Variants in SHROOM2 observed in about 807,000 individuals in gnomAD.
SHROOM2 encodes shroom family member 2, also known as protein Shroom2.
SHROOM2 carries 33 observed loss-of-function variants against 75.9 expected under a neutral mutation model. The ratio of observed to expected loss-of-function variants is 0.43; its 90% confidence interval spans 0.33 to 0.58. The LOEUF is 0.58. Among genes scored for constraint, SHROOM2 ranks in the 20% least tolerant of loss-of-function variants. The pLI is 0.04. For synonymous variants in SHROOM2, 655 were observed against 663.6 expected, an observed-to-expected ratio of 0.99 and a Z score of 0.20; for missense variants, 1,434 against 1,461.2, an observed-to-expected ratio of 0.98 and a Z score of 0.30.
chrX:9,903,494 T>C (rs1351932731), intron 5 of SHROOM2, among the ~76,000 whole-genome samples: 1 of 112,145 alleles, frequency 8.9e-6, no homozygotes, highest in Non-Finnish European at 1.9e-5. Flanking sequence ...AAACGGTAGC[T>C]GTAGGAGAGA....
At chrX:9,814,545 C>T (rs1009213893) in intron 1 of SHROOM2, among the ~76,000 whole-genome samples, 8 of 110,942 alleles carry the variant, frequency 7.2e-5, no homozygotes, top group African/African-American at 2.6e-4. Flanking sequence ...ACAGGGGTGT[C>T]GGGGGTGGCT....
rs1170055306 is a variant in SHROOM2 at position 9,917,529 on chromosome X, GTTGTTT to G, written c.2892-14643_2892-14638del. On this transcript the variant is annotated intron_variant, in intron 5 of 9. Transcript: ENST00000380913. ...TGTTGTTGTTGTTGTTGTTGTTGTT[GTTGTTT>G]TTTGAGATGGAGTCTCGCTCTGTCA... Among the ~76,000 whole-genome samples, 10 of 110,081 alleles carry G rather than the reference GTTGTTT, an allele frequency of 9.1e-5. No individual in the cohort carries two copies. The South Asian group carries it at 1.6e-3, about 17-fold the overall frequency.
intron 1 of SHROOM2, among the ~76,000 whole-genome samples, chrX:9,802,591 CA>C (rs890554254): frequency 2.7e-5 from 3 of 111,880 alleles, no homozygotes; most frequent in Admixed American, 9.5e-5. Context: ...GGTCTTGCAG[CA>C]TCCTCAAGCC....
intron 2 of SHROOM2, among the ~76,000 whole-genome samples, chrX:9,890,713 G>A (rs987762240): frequency 7.3e-5 from 8 of 110,129 alleles, no homozygotes; most frequent in Non-Finnish European, 1.5e-4. Flanking sequence ...GCACTGTTTG[G>A]CACGAGAGTG....
At position 9,838,057 on chromosome X, in the gene SHROOM2, G is replaced by GTT. The variant is rs573554791; in HGVS notation, c.166-35575_166-35574dup. On this transcript the variant is annotated intron_variant, in intron 1 of 9. Transcript: ENST00000380913. The stretch of plus-strand genomic sequence containing the variant: ...AGGAGTTTTTCTGTGTGTGTGTGTG[G>GTT]TTTTTTTTTTTTTTTTTTTTTGAGA... Among the ~76,000 whole-genome samples, 723 of 75,735 alleles carry GTT rather than the reference G, an allele frequency of 9.5e-3. 29 individuals are homozygous for GTT. The highest frequency in any genetic ancestry group is 0.036 in the African/African-American group (622 of 17,367). 65.8% of individuals were successfully genotyped at this position (75,735 alleles called of 115,157 possible).
chrX:9,817,012 C>A (rs1380359813), intron 1 of SHROOM2, among the ~76,000 whole-genome samples: 1 of 110,881 alleles, frequency 9.0e-6, no homozygotes, highest in East Asian at 2.8e-4. Context: ...TGCTCTGTTG[C>A]CCAAGCTGGA....
Position 9,873,579 on chromosome X carries a change from C to T in SHROOM2, c.166-73C>T, listed in dbSNP as rs999457116. On this transcript the variant is annotated intron_variant, in intron 1 of 9. Transcript: ENST00000380913. ...CGCCAAGTGTGAGGTATGTCTGCTG[C>T]GTTCCGAGGACCTGCTCTGCCTCAG... 39 of 1,128,666 alleles carry T rather than the reference C, an allele frequency of 3.5e-5. No homozygotes were observed. The African/African-American group carries it at 6.3e-4, about 18-fold the overall frequency. The allele number at this position is 1,128,666 out of a possible 1,213,427, so 93.0% of individuals were successfully genotyped here.
At chrX:9,786,732 G>A in intron 1 of SHROOM2, 22 bp downstream of exon 1, 2 of 875,417 alleles carry the variant, frequency 2.3e-6, no homozygotes, top group South Asian at 1.2e-4. Context: ...GCGGGGCGCG[G>A]GCGCTGACAG....
At chrX:9,820,643 G>T (rs949072063) in intron 1 of SHROOM2, among the ~76,000 whole-genome samples, 1 of 112,327 alleles carries the variant, frequency 8.9e-6, no homozygotes, top group Non-Finnish European at 1.9e-5. Context: ...AGGATTACTG[G>T]TGTGTGCCAC....
intron 1 of SHROOM2, among the ~76,000 whole-genome samples, chrX:9,812,817 G>A (rs1305117832): frequency 1.8e-5 from 2 of 112,369 alleles, no homozygotes; most frequent in Admixed American, 1.9e-4. Context: ...AAGACAAATT[G>A]CTTCTGGTGG....
chrX:9,878,006 T>C (rs1473413369), intron 2 of SHROOM2, among the ~76,000 whole-genome samples: 1 of 112,054 alleles, frequency 8.9e-6, no homozygotes, highest in African/African-American at 3.2e-5. Flanking sequence ...GTCATCCATT[T>C]TTCTCCCTTC....
At chrX:9,891,871 G>A (rs2084295151) in intron 3 of SHROOM2, among the ~76,000 whole-genome samples, 1 of 64,526 alleles carries the variant, frequency 1.5e-5, no homozygotes, top group Admixed American at 1.7e-4. Flanking sequence ...CATGTTTGGT[G>A]TGTGTGTGTG....
chrX:9,943,854 T>A (rs2084793184), intron 8 of SHROOM2, among the ~76,000 whole-genome samples: 1 of 111,769 alleles, frequency 8.9e-6, no homozygotes, highest in South Asian at 3.8e-4. Context: ...CAATTAAAAT[T>A]TTTTTTCTTT....
chrX:9,891,119 A>G lies in SHROOM2; in HGVS notation c.449+11A>G, dbSNP rs1173190063. ...CCGACACCACGCGAGGTAGGCACCC[A>G]TTCCCGTCCAGGATGCCAGGTTTGT... On this transcript the variant is annotated intron_variant, in intron 3 of 9. Transcript: ENST00000380913. 8.3e-7 allele frequency: 1 copy of G among 1,199,605 alleles called. No individual in the cohort carries two copies. Among genetic ancestry groups the G allele is most frequent in the East Asian group, 3.0e-5 (1 of 33,467 alleles).
At chrX:9,788,590 T>C (rs2081970111) in intron 1 of SHROOM2, among the ~76,000 whole-genome samples, 1 of 111,515 alleles carries the variant, frequency 9.0e-6, no homozygotes, top group African/African-American at 3.3e-5. Flanking sequence ...TCACAAACTG[T>C]TGAGTCCTGG....
chrX:9,811,822 C>G (rs1304210350), intron 1 of SHROOM2, among the ~76,000 whole-genome samples: 3 of 112,080 alleles, frequency 2.7e-5, no homozygotes, highest in Non-Finnish European at 5.6e-5. Flanking sequence ...TCATAGGGAA[C>G]TCCCCATGAG....
intron 1 of SHROOM2, among the ~76,000 whole-genome samples, chrX:9,836,489 T>C (rs1287491098): frequency 9.3e-6 from 1 of 107,104 alleles, no homozygotes; most frequent in African/African-American, 3.4e-5. Flanking sequence ...CCAGCTTCTC[T>C]CTCTCTCTCT....
chrX:9,841,505 G>C (rs1488437965), intron 1 of SHROOM2, among the ~76,000 whole-genome samples: 2 of 111,659 alleles, frequency 1.8e-5, no homozygotes, highest in East Asian at 5.6e-4. Flanking sequence ...GACACTGGAA[G>C]AGGTGGTAGA....
chrX:9,792,027 AAT>A (rs1201534891), intron 1 of SHROOM2, among the ~76,000 whole-genome samples: 2 of 122 alleles, frequency 0.016, no homozygotes, highest in African/African-American at 0.036. Flanking sequence ...AATAGAATAG[AAT>A]AGAATAGAAT....
Sources: allele counts gnomAD v4.1 joint callset (sites outside exome capture counted in the v4.1 genomes callset), GRCh38; gene constraint gnomAD v4.1.1; transcripts MANE v1.5; gene names NCBI Gene and HGNC (gene_info 2026-07-23, HGNC 2026-07-21).